RPRD2: variants seen among roughly 807,000 people sequenced by gnomAD.
The protein encoded by RPRD2 is regulation of nuclear pre-mRNA domain-containing protein 2.
A neutral mutation model predicts 104.4 loss-of-function variants in RPRD2; 12 were observed. The observed-to-expected ratio is 0.11, with a 90% confidence interval of 0.07 to 0.19. RPRD2 has a LOEUF of 0.19. Ranked by LOEUF, RPRD2 falls within the 10% of genes least tolerant of loss-of-function variation. RPRD2 has a pLI of 1.00. For missense variants in RPRD2, 1,543 were observed against 1,790.1 expected (o/e 0.86, Z 2.49); for synonymous variants, 714 against 684.9 (o/e 1.04, Z -0.66).
chr1:150,457,231 A>C, intron 7 of RPRD2, 57 bp from the exon 8 acceptor site: 1 of 1,548,280 alleles, frequency 6.5e-7, no homozygotes, highest in Non-Finnish European at 8.7e-7. Flanking sequence ...CTCAAAAAGA[A>C]AAAATGTTAA....
intron 2 of RPRD2, among the ~76,000 whole-genome samples, chr1:150,440,064 G>C (rs1477777119): frequency 6.6e-6 from 1 of 152,032 alleles, no homozygotes; most frequent in African/African-American, 2.4e-5. Context: ...TCTTGCCTCA[G>C]ACTCCCATGT....
intron 1 of RPRD2, among the ~76,000 whole-genome samples, chr1:150,396,487 T>C (rs1322345871): frequency 6.6e-6 from 1 of 152,204 alleles, no homozygotes; most frequent in African/African-American, 2.4e-5. Flanking sequence ...TAGTTTGAGG[T>C]TCTAGATTTA....
At chr1:150,452,132 A>T (rs1553896733) in intron 7 of RPRD2, among the ~76,000 whole-genome samples, 1 of 130,386 alleles carries the variant, frequency 7.7e-6, no homozygotes, top group African/African-American at 2.9e-5. Context: ...AGAGAGCAAG[A>T]CTCTGTCTCA....
At chr1:150,442,875 T>A (rs1352093271) in intron 4 of RPRD2, among the ~76,000 whole-genome samples, 1 of 152,138 alleles carries the variant, frequency 6.6e-6, no homozygotes, top group East Asian at 1.9e-4. Flanking sequence ...ATTAATTGGA[T>A]GTCCTGTTCC....
chr1:150,443,334 T>G, intron 5 of RPRD2, 51 bp downstream of exon 5: 1 of 1,256,606 alleles, frequency 8.0e-7, no homozygotes, highest in African/African-American at 1.5e-5. Context: ...ACCCCTTTTG[T>G]ATTATAGTTT....
intron 1 of RPRD2, among the ~76,000 whole-genome samples, chr1:150,365,741 C>A (rs1306146152): frequency 6.6e-6 from 1 of 152,070 alleles, no homozygotes; most frequent in Non-Finnish European, 1.5e-5. Flanking sequence ...AGGCGCCCGC[C>A]ACCATGTCCG....
At chr1:150,365,824 C>T (rs1553877071) in intron 1 of RPRD2, among the ~76,000 whole-genome samples, 1 of 152,148 alleles carries the variant, frequency 6.6e-6, no homozygotes, top group African/African-American at 2.4e-5. Flanking sequence ...CTCCCGACCT[C>T]AGGTGATCCA....
intron 1 of RPRD2, among the ~76,000 whole-genome samples, chr1:150,367,535 C>T (rs1306659801): frequency 5.9e-5 from 9 of 151,710 alleles, no homozygotes; most frequent in Admixed American, 5.3e-4. Flanking sequence ...TTCTGACATC[C>T]GTTATTTAGT....
intron 2 of RPRD2, among the ~76,000 whole-genome samples, chr1:150,437,849 G>C (rs1666113299): frequency 6.6e-6 from 1 of 151,872 alleles, no homozygotes; most frequent in African/African-American, 2.4e-5. Context: ...CAAAGTGCTA[G>C]AACTGCAGGC....
chr1:150,384,639 T>TTTTGTGTGTGTGTG (rs1475338523), intron 1 of RPRD2, among the ~76,000 whole-genome samples: 11 of 133,352 alleles, frequency 8.2e-5, no homozygotes, highest in African/African-American at 3.1e-4. Flanking sequence ...CCTGGCTAAT[T>TTTTGTGTGTGTGTG]TGTGTGTGTG....
chr1:150,470,942 C>T lies in RPRD2; in HGVS notation c.1994C>T (p.Ser665Phe). Residue 665 changes from serine (S) to phenylalanine (F), a missense_variant, in exon 11 of 11, where the codon TCC becomes TTC. Coordinates refer to ENST00000369068, the MANE Select transcript of RPRD2 (RefSeq NM_015203.5). ...SKPKLESEST[S>F]PSLEMKIHNF... ...CCAAAGCTGGAGTCAGAGTCCACCT[C>T]CCCAAGCCTGGAAATGAAGATTCAC... 1 of 1,614,006 alleles carries T rather than the reference C, an allele frequency of 6.2e-7. No individual in the cohort carries two copies. The highest frequency in any genetic ancestry group is 8.5e-7 in the Non-Finnish European group (1 of 1,179,886).
chr1:150,460,471 T>C (rs940876619), intron 9 of RPRD2, among the ~76,000 whole-genome samples, 154 bp downstream of exon 9: 2 of 152,122 alleles, frequency 1.3e-5, no homozygotes, highest in African/African-American at 4.8e-5. Flanking sequence ...TGGTGCAATC[T>C]TGGCTCACTG....
At chr1:150,467,498 C>T (rs1029699781) in intron 10 of RPRD2, among the ~76,000 whole-genome samples, 5 of 152,012 alleles carry the variant, frequency 3.3e-5, no homozygotes, top group Non-Finnish European at 5.9e-5. Flanking sequence ...CTCAGCCTCT[C>T]GAGTAGCTGG....
At chr1:150,425,502 G>A (rs781964330) in intron 2 of RPRD2, among the ~76,000 whole-genome samples, 4 of 152,008 alleles carry the variant, frequency 2.6e-5, no homozygotes, top group South Asian at 4.2e-4. Flanking sequence ...AATTAGCCAG[G>A]CGTGGTGGCG....
intron 1 of RPRD2, among the ~76,000 whole-genome samples, chr1:150,402,875 G>A (rs1663160887): frequency 6.6e-6 from 1 of 152,086 alleles, no homozygotes; most frequent in Non-Finnish European, 1.5e-5. Context: ...GGCTGAGGCA[G>A]GAGAATTGCT....
chr1:150,375,593 T>G (rs1660626819), intron 1 of RPRD2, among the ~76,000 whole-genome samples: 1 of 152,186 alleles, frequency 6.6e-6, no homozygotes, highest in South Asian at 2.1e-4. Flanking sequence ...GTTGAATGAT[T>G]TTACTCTTAA....
At position 150,473,127 on chromosome 1, in the gene RPRD2, C is replaced by T; in HGVS notation, c.4179C>T (p.Ser1393=). ...HGGGGGGGSN[S]SSGPPLGPSH... is the part of the protein sequence containing the mutation. ...GAGGAGGTGGGGGAGGCAGCAACAGCAGCAGTGGCCCCCCCTTGGGTCCCT... is the reference window on the plus strand; with the variant it reads ...GAGGAGGTGGGGGAGGCAGCAACAGTAGCAGTGGCCCCCCCTTGGGTCCCT... The change falls in exon 11 of 11, where the codon AGC becomes AGT. Residue 1393 remains serine (S), a synonymous_variant. Coordinates refer to ENST00000369068, the MANE Select transcript of RPRD2 (RefSeq NM_015203.5). 6.2e-7 allele frequency: 1 copy of T among 1,613,948 alleles called. No homozygotes were observed. Among genetic ancestry groups the T allele is most frequent in the South Asian group, 1.1e-5 (1 of 91,084 alleles).
At chr1:150,465,243 A>G (rs1668189478) in intron 10 of RPRD2, among the ~76,000 whole-genome samples, 1 of 151,260 alleles carries the variant, frequency 6.6e-6, no homozygotes, top group African/African-American at 2.4e-5. Context: ...TCAGCCTCCC[A>G]AGTAGCTAGG....
chr1:150,413,299 G>A (rs1553888003), intron 1 of RPRD2, among the ~76,000 whole-genome samples: 1 of 152,092 alleles, frequency 6.6e-6, no homozygotes, highest in Admixed American at 6.6e-5. Context: ...AAAAGAGGAA[G>A]ATGATTAATA....
Sources: gnomAD v4.1 joint callset for allele counts (sites outside exome capture counted in the v4.1 genomes callset) on GRCh38, gnomAD v4.1.1 for gene constraint, MANE v1.5 for transcripts, NCBI Gene and HGNC (gene_info 2026-07-23, HGNC 2026-07-21) for gene names.